AOPEP: variants seen among roughly 807,000 people sequenced by gnomAD.
AOPEP encodes the protein aminopeptidase O.
In AOPEP, 77 loss-of-function variants were observed where a neutral mutation model predicts 98.1. The observed-to-expected ratio is 0.78, with a 90% CI of 0.65 to 0.95. The LOEUF is 0.95. Among genes scored for constraint, AOPEP ranks in the 40% least tolerant of loss-of-function variants. AOPEP has a pLI of 0.00. For missense variants in AOPEP, 1,024 were observed against 1,024.7 expected (o/e 1.00, Z 0.01); for synonymous variants, 346 against 365.3 (o/e 0.95, Z 0.60).
downstream of AOPEP, among the ~76,000 whole-genome samples, chr9:95,092,082 G>GTGTGCA (rs1554825928): frequency 5.1e-5 from 7 of 138,446 alleles, no homozygotes; most frequent in Admixed American, 4.2e-4. Flanking sequence ...GTGTGTGTGT[G>GTGTGCA]CACACACACA....
intron 3 of AOPEP, among the ~76,000 whole-genome samples, chr9:94,776,446 C>T (rs1007908033): frequency 7.2e-5 from 11 of 152,166 alleles, no homozygotes; most frequent in Admixed American, 2.6e-4. Context: ...GGACTACAGG[C>T]GCACGCCGCC....
chr9:94,937,304 T>A (rs1161873712), intron 7 of AOPEP, among the ~76,000 whole-genome samples: 1 of 152,188 alleles, frequency 6.6e-6, no homozygotes, highest in Non-Finnish European at 1.5e-5. Context: ...AAATATACAC[T>A]CCACAGTGTG....
chr9:95,070,262 C>G (rs2068358772), intron 14 of AOPEP, among the ~76,000 whole-genome samples: 1 of 152,222 alleles, frequency 6.6e-6, no homozygotes, highest in Non-Finnish European at 1.5e-5. Context: ...AATTTAAGGA[C>G]ACAAATTGAC....
At chr9:95,063,430 C>T (rs140751974) in intron 14 of AOPEP, among the ~76,000 whole-genome samples, 13 of 152,210 alleles carry the variant, frequency 8.5e-5, no homozygotes, top group African/African-American at 1.7e-4. Context: ...CTCCACTGAG[C>T]GCTTTCAGAT....
At chr9:94,822,832 T>C (rs1352055303) in intron 5 of AOPEP, among the ~76,000 whole-genome samples, 1 of 152,176 alleles carries the variant, frequency 6.6e-6, no homozygotes, top group Non-Finnish European at 1.5e-5. Context: ...ATAGATTCCA[T>C]TTGGGCATTT....
chr9:95,137,370 A>C, the AOPEP span, among the ~76,000 whole-genome samples: 3 of 152,086 alleles, frequency 2.0e-5, no homozygotes, highest in Non-Finnish European at 2.9e-5. Context: ...GGCAGAAGGC[A>C]GGGGGAAGGG....
intron 1 of AOPEP, among the ~76,000 whole-genome samples, chr9:94,738,944 C>T (rs780053829): frequency 6.6e-6 from 1 of 152,224 alleles, no homozygotes; most frequent in Non-Finnish European, 1.5e-5. Flanking sequence ...AATAAAACTA[C>T]ATTCAGTTTT....
intron 1 of AOPEP, among the ~76,000 whole-genome samples, chr9:94,744,202 C>T (rs1168984432): frequency 6.6e-6 from 1 of 151,698 alleles, no homozygotes; most frequent in Non-Finnish European, 1.5e-5. Context: ...ACCATCCTGG[C>T]TCACACAATG....
the AOPEP span, among the ~76,000 whole-genome samples, chr9:95,125,517 A>G: frequency 6.6e-6 from 1 of 152,228 alleles, no homozygotes; most frequent in East Asian, 1.9e-4. Flanking sequence ...TGCTTTCACA[A>G]GTGGAGACGA....
At chr9:95,051,542 T>G (rs968788728) in intron 13 of AOPEP, among the ~76,000 whole-genome samples, 13 of 152,298 alleles carry the variant, frequency 8.5e-5, no homozygotes, top group Middle Eastern at 3.4e-3. Context: ...TTGTTATAAC[T>G]CCTCATACAG....
chr9:94,945,929 C>A lies in AOPEP; in HGVS notation c.1662-9248C>A, dbSNP rs146612434. On this transcript the variant is annotated intron_variant, in intron 7 of 16. Coordinates refer to ENST00000375315, the MANE Select transcript of AOPEP (RefSeq NM_001193329.3). ...ATTCCTGTGTTCTGAATGTGTATGG[C>A]ACACCAGCAGCCTGAGTTATGGCTG... Among the ~76,000 whole-genome samples the A allele has an allele frequency of 1.7e-3, 253 of 152,120 alleles. 1 individual carries two copies. The highest frequency in any genetic ancestry group is 5.4e-3 in the African/African-American group (226 of 41,478).
intron 1 of AOPEP, among the ~76,000 whole-genome samples, chr9:94,735,878 G>T (rs1030048129): frequency 1.3e-5 from 2 of 152,106 alleles, no homozygotes; most frequent in African/African-American, 4.8e-5. Context: ...CTGTGGATTT[G>T]CCTATTCTGG....
At chr9:95,024,162 A>G (rs1024843653) in intron 13 of AOPEP, among the ~76,000 whole-genome samples, 3 of 152,216 alleles carry the variant, frequency 2.0e-5, no homozygotes, top group African/African-American at 4.8e-5. Flanking sequence ...AGCCGGCTCT[A>G]TCATCCAGGC....
chr9:95,004,646 C>T lies in AOPEP; in HGVS notation c.1978-512C>T, dbSNP rs888613246. ...CTTCCCCGCCACCGCTCCCTCCAGCCTGCGGCGGGCGGCGCGGGCCCCTCT... is the reference window on the plus strand; with the variant it reads ...CTTCCCCGCCACCGCTCCCTCCAGCTTGCGGCGGGCGGCGCGGGCCCCTCT... On this transcript the variant is annotated intron_variant, in intron 11 of 16. Transcript: ENST00000375315. Among the ~76,000 whole-genome samples, 19 of 151,796 alleles carry T rather than the reference C, an allele frequency of 1.3e-4. 2 individuals are homozygous for T. The highest frequency in any genetic ancestry group is 1.5e-5 in the Non-Finnish European group (1 of 67,864).
chr9:94,788,445 C>T (rs1353168361), intron 3 of AOPEP, among the ~76,000 whole-genome samples: 13 of 150,924 alleles, frequency 8.6e-5, no homozygotes, highest in Admixed American at 8.6e-4. Flanking sequence ...TATTTCTGTA[C>T]ATGTTAATTT....
Position 94,955,370 on chromosome 9 carries a change from A to G in AOPEP, c.1764+91A>G. ...ACAATGATGATTAGTAACAAGACTG[A>G]GGTGAAAATACTGTAATGATATCTG... On this transcript the variant is annotated intron_variant, in intron 8 of 16. Transcript: ENST00000375315. 5 of 768,160 alleles carry G rather than the reference A, an allele frequency of 6.5e-6. No homozygotes were observed. The Middle Eastern group carries it at 9.4e-4, about 145-fold the overall frequency. The allele number at this position is 768,160 out of a possible 1,614,324, so 47.6% of individuals were successfully genotyped here.
intron 1 of AOPEP, among the ~76,000 whole-genome samples, chr9:94,728,067 A>G (rs565230008): frequency 3.0e-4 from 45 of 152,308 alleles, no homozygotes; most frequent in Middle Eastern, 6.8e-3. Flanking sequence ...GGACTCTACT[A>G]ATGCTCAAAT....
chr9:94,781,583 CAG>C lies in AOPEP; in HGVS notation c.964+8418_964+8419del, dbSNP rs1419858048. On this transcript the variant is annotated intron_variant, in intron 3 of 16. Coordinates refer to ENST00000375315, the MANE Select transcript of AOPEP (RefSeq NM_001193329.3). ...TTTTAATTAATTAATTTTTTTGAGA[CAG>C]AGTCTCATTCTGTCGCCCAGGCTGG... 4.7e-5 allele frequency among the ~76,000 whole-genome samples: 7 copies of C among 148,704 alleles called. No individual in the cohort carries two copies. In the East Asian group the frequency reaches 1.0e-3, roughly 21 times the overall value.
intron 5 of AOPEP, among the ~76,000 whole-genome samples, chr9:94,809,250 G>A (rs928505468): frequency 6.6e-6 from 1 of 152,198 alleles, no homozygotes; most frequent in African/African-American, 2.4e-5. Context: ...AAACTTAAAA[G>A]AGATTCTTTA....
Sources: gnomAD v4.1 joint callset for allele counts (sites outside exome capture counted in the v4.1 genomes callset) on GRCh38, gnomAD v4.1.1 for gene constraint, MANE v1.5 for transcripts, NCBI Gene and HGNC (gene_info 2026-07-23, HGNC 2026-07-21) for gene names.